Variants in OR1F1 observed in about 807,000 individuals in gnomAD.
The protein encoded by OR1F1 is olfactory receptor 1F1.
For missense variants in OR1F1, 493 were observed against 376.3 expected (o/e 1.31, Z -2.57); for synonymous variants, 184 against 156.7 (o/e 1.17, Z -1.30).
chr16:3,205,521 G>T (rs184395112), downstream of OR1F1, among the ~76,000 whole-genome samples: 98 of 149,938 alleles, frequency 6.5e-4, no homozygotes, highest in Non-Finnish European at 5.5e-4. Context: ...TCTCTATGTC[G>T]CCAGGCTGGA....
At chr16:3,194,142 T>C in the OR1F1 span, among the ~76,000 whole-genome samples, 47 of 152,142 alleles carry the variant, frequency 3.1e-4, no homozygotes, top group Non-Finnish European at 6.3e-4. Context: ...AGACACACAA[T>C]CTCCTCTCTC....
chr16:3,200,412 GC>G (rs1176520748), upstream of OR1F1, among the ~76,000 whole-genome samples: 1 of 152,170 alleles, frequency 6.6e-6, no homozygotes, highest in Non-Finnish European at 1.5e-5. Context: ...TTCGAGACCA[GC>G]CTGGCCAATA....
downstream of OR1F1, among the ~76,000 whole-genome samples, chr16:3,205,522 C>T (rs1253734707): frequency 6.6e-6 from 1 of 151,308 alleles, no homozygotes; most frequent in Admixed American, 6.6e-5. Flanking sequence ...CTCTATGTCG[C>T]CAGGCTGGAT....
At chr16:3,190,070 AG>A in the OR1F1 span, among the ~76,000 whole-genome samples, 1 of 152,220 alleles carries the variant, frequency 6.6e-6, no homozygotes, top group African/African-American at 2.4e-5. Flanking sequence ...TAAAAGGTCC[AG>A]CCTGGGACTC....
At chr16:3,194,934 A>G in the OR1F1 span, among the ~76,000 whole-genome samples, 1 of 152,214 alleles carries the variant, frequency 6.6e-6, no homozygotes, top group East Asian at 1.9e-4. Context: ...GTGACTTCTG[A>G]TAGTGACTCC....
At chr16:3,206,326 A>G (rs556898812), downstream of OR1F1, among the ~76,000 whole-genome samples, 2 of 152,160 alleles carry the variant, frequency 1.3e-5, no homozygotes, top group East Asian at 3.9e-4. Flanking sequence ...CTGAACATAG[A>G]CCCTTATCTG....
chr16:3,199,417 A>G (rs1023959687), upstream of OR1F1, among the ~76,000 whole-genome samples: 1 of 152,108 alleles, frequency 6.6e-6, no homozygotes, highest in Non-Finnish European at 1.5e-5. Context: ...CTGAGGTAAG[A>G]GGATTGCTTG....
chr16:3,189,318 C>T, the OR1F1 span, among the ~76,000 whole-genome samples: 1 of 152,188 alleles, frequency 6.6e-6, no homozygotes, highest in Non-Finnish European at 1.5e-5. Flanking sequence ...GGGAGGTTCC[C>T]ATGTCCTGCG....
At chr16:3,191,043 A>C in the OR1F1 span, among the ~76,000 whole-genome samples, 1 of 152,204 alleles carries the variant, frequency 6.6e-6, no homozygotes, top group Non-Finnish European at 1.5e-5. Context: ...TACAGTGCGG[A>C]GCGACACCTG....
the OR1F1 span, chr16:3,191,267 C>T: frequency 1.3e-5 from 2 of 152,340 alleles, no homozygotes; most frequent in Non-Finnish European, 2.9e-5. Context: ...GCAGAGAATA[C>T]AGATTTATGC....
chr16:3,205,252 T>A, downstream of OR1F1: 1 of 1,115,718 alleles, frequency 9.0e-7, no homozygotes, highest in Non-Finnish European at 1.3e-6. Flanking sequence ...TTTAATGCAG[T>A]AGTTGTTTCA....
At chr16:3,196,638 T>A in the OR1F1 span, among the ~76,000 whole-genome samples, 7 of 151,900 alleles carry the variant, frequency 4.6e-5, no homozygotes, top group African/African-American at 1.7e-4. Flanking sequence ...TCCCCCTGCG[T>A]TGGCCTCCCA....
chr16:3,199,796 G>A (rs1002559774), upstream of OR1F1, among the ~76,000 whole-genome samples: 5 of 151,964 alleles, frequency 3.3e-5, no homozygotes, highest in Non-Finnish European at 7.4e-5. Context: ...CGGGCGGATC[G>A]CCTGAGGTCA....
At chr16:3,195,507 C>G in the OR1F1 span, among the ~76,000 whole-genome samples, 15 of 151,926 alleles carry the variant, frequency 9.9e-5, no homozygotes, top group African/African-American at 3.6e-4. Context: ...TGGTGAAACC[C>G]TGTCTCTACT....
At chr16:3,203,561 A>C (rs968338586), upstream of OR1F1, among the ~76,000 whole-genome samples, 1 of 152,144 alleles carries the variant, frequency 6.6e-6, no homozygotes. Flanking sequence ...GTCAAGAGAT[A>C]GAGACCATCA....
At chr16:3,204,037 C>T (rs555482037), upstream of OR1F1, among the ~76,000 whole-genome samples, 6 of 152,236 alleles carry the variant, frequency 3.9e-5, no homozygotes, top group Admixed American at 6.5e-5. Flanking sequence ...CAGGGTGCTC[C>T]GTGGATATAG....
the OR1F1 span, among the ~76,000 whole-genome samples, chr16:3,196,215 T>A: frequency 6.6e-6 from 1 of 152,212 alleles, no homozygotes; most frequent in African/African-American, 2.4e-5. Context: ...GTTTGAGCCC[T>A]GTGTTGAGCA....
chr16:3,205,116 C>T, exon 1 of OR1F1: 1 of 1,614,052 alleles, frequency 6.2e-7, no homozygotes, highest in Non-Finnish European at 8.5e-7. Flanking sequence ...CTTTCATCTA[C>T]AGCCTGAGGA....
At chr16:3,196,840 C>T in the OR1F1 span, among the ~76,000 whole-genome samples, 4 of 151,156 alleles carry the variant, frequency 2.6e-5, no homozygotes, top group Admixed American at 6.6e-5. Context: ...GGATTACTGG[C>T]GCCACCACCA....
Sources: gnomAD v4.1 joint callset for allele counts (sites outside exome capture counted in the v4.1 genomes callset) on GRCh38, gnomAD v4.1.1 for gene constraint, MANE v1.5 for transcripts, NCBI Gene and HGNC (gene_info 2026-07-23, HGNC 2026-07-21) for gene names.